GRID1: variants seen among roughly 807,000 people sequenced by gnomAD.
The protein encoded by GRID1 is glutamate receptor ionotropic, delta-1.
In GRID1, 28 loss-of-function variants were observed where a neutral mutation model predicts 98.0. The observed-to-expected ratio is 0.29, with a 90% CI of 0.21 to 0.39. The LOEUF (loss-of-function observed/expected upper bound fraction) is 0.39, where lower values mean the gene tolerates loss of function less well. Ranked by LOEUF, GRID1 falls within the 10% of genes least tolerant of loss-of-function variation. GRID1 has a pLI of 1.00. For synonymous variants in GRID1, 553 were observed against 538.5 expected, an observed-to-expected ratio of 1.03 and a Z score of -0.37; for missense variants, 1,111 against 1,340.5, an observed-to-expected ratio of 0.83 and a Z score of 2.67.
At chr10:85,853,529 C>T (rs73338510) in intron 8 of GRID1, among the ~76,000 whole-genome samples, 2,263 of 151,568 alleles carry the variant, frequency 0.015, 62 homozygotes, top group African/African-American at 0.051. Flanking sequence ...TCATTATTTC[C>T]GGAGAAGACC....
At chr10:85,875,194 C>T (rs187207551) in intron 5 of GRID1, among the ~76,000 whole-genome samples, 186 of 152,046 alleles carry the variant, frequency 1.2e-3, no homozygotes, top group African/African-American at 4.2e-3. Context: ...TTTTTTTATT[C>T]GTTACACACA....
At chr10:85,786,386 T>C (rs1349577076) in intron 8 of GRID1, among the ~76,000 whole-genome samples, 3 of 152,208 alleles carry the variant, frequency 2.0e-5, no homozygotes. Context: ...GGATTCAAGA[T>C]AACCTGTTCC....
Position 86,312,234 on chromosome 10 carries a change from A to G in GRID1, c.235+51707T>C, listed in dbSNP as rs541161080. On this transcript the variant is annotated intron_variant, in intron 2 of 15. Coordinates refer to ENST00000327946, the MANE Select transcript of GRID1 (RefSeq NM_017551.3). ...ATGACATCAGAGTCATTTCACTTTC[A>G]AAACAAATTCCCCCATGCTGGAAAA... Among the ~76,000 whole-genome samples the G allele has an allele frequency of 3.3e-5, 5 of 152,230 alleles. No individual in the cohort carries two copies. In the East Asian group the frequency reaches 9.6e-4, roughly 29 times the overall value.
chr10:86,030,516 G>T (rs922368322), intron 4 of GRID1, among the ~76,000 whole-genome samples: 4 of 152,218 alleles, frequency 2.6e-5, no homozygotes, highest in African/African-American at 9.6e-5. Flanking sequence ...AAATGGTGCT[G>T]CAGATAGAAC....
At chr10:85,754,480 A>G (rs556403248) in intron 8 of GRID1, among the ~76,000 whole-genome samples, 31 of 152,344 alleles carry the variant, frequency 2.0e-4, no homozygotes, top group South Asian at 1.2e-3. Context: ...GAAAAGAGTG[A>G]TCCTCTGAGC....
intron 4 of GRID1, among the ~76,000 whole-genome samples, chr10:85,951,882 G>C (rs12782728): frequency 1.3e-5 from 2 of 152,116 alleles, no homozygotes; most frequent in East Asian, 1.9e-4. Context: ...AGGACACTCT[G>C]CAGCATCACC....
chr10:85,799,416 T>C (rs562784880), intron 8 of GRID1, among the ~76,000 whole-genome samples: 1 of 152,278 alleles, frequency 6.6e-6, no homozygotes, highest in South Asian at 2.1e-4. Context: ...CCTATGTTTA[T>C]CTATGCTTAT....
chr10:85,887,634 G>A (rs1841136151), intron 5 of GRID1, among the ~76,000 whole-genome samples: 1 of 152,160 alleles, frequency 6.6e-6, no homozygotes, highest in Non-Finnish European at 1.5e-5. Flanking sequence ...GAGAAGTGAT[G>A]AGCGTAGGGT....
At chr10:86,063,915 T>G (rs1178091808) in intron 4 of GRID1, among the ~76,000 whole-genome samples, 1 of 152,144 alleles carries the variant, frequency 6.6e-6, no homozygotes, top group Non-Finnish European at 1.5e-5. Flanking sequence ...GATGAAGAGT[T>G]GCAGCAGAGA....
intron 5 of GRID1, among the ~76,000 whole-genome samples, chr10:85,906,322 C>T (rs1449366172): frequency 6.6e-6 from 1 of 152,036 alleles, no homozygotes; most frequent in African/African-American, 2.4e-5. Flanking sequence ...TTTTAATACT[C>T]CTCTCTAAAT....
chr10:85,777,284 C>T (rs1842341074), intron 8 of GRID1, among the ~76,000 whole-genome samples: 1 of 152,218 alleles, frequency 6.6e-6, no homozygotes, highest in South Asian at 2.1e-4. Context: ...GCCCTCCTTT[C>T]TCCCAGCCTG....
intron 8 of GRID1, among the ~76,000 whole-genome samples, chr10:85,741,243 T>A (rs1807119705): frequency 6.6e-6 from 1 of 152,222 alleles, no homozygotes; most frequent in Non-Finnish European, 1.5e-5. Context: ...AAAGGTTTTC[T>A]CACTCAGTGC....
At chr10:86,204,683 C>A (rs1230819957) in intron 3 of GRID1, among the ~76,000 whole-genome samples, 1 of 152,198 alleles carries the variant, frequency 6.6e-6, no homozygotes, top group Non-Finnish European at 1.5e-5. Flanking sequence ...GCGGCTGAGG[C>A]TCCCATCAAG....
chr10:85,727,986 T>C lies in GRID1; in HGVS notation c.1402A>G (p.Ile468Val). 3 of 1,613,894 alleles carry C rather than the reference T, an allele frequency of 1.9e-6. No individual in the cohort carries two copies. In the South Asian group the frequency reaches 3.3e-5, roughly 18 times the overall value. The part of the protein sequence containing the change: ...GQPKRYKGFS[I>V]DVLDALAKAL... ...TTGGCCAGTGCATCCAGGACATCTA[T>C]GGAGAACCCTTTGTAGCGCTTGGGC... Residue 468 changes from isoleucine to valine, a missense_variant, in exon 10 of 16, where the codon ATA (isoleucine) becomes GTA (valine). Physicochemically the swap from Ile to Val is conservative, Grantham distance 29. This residue lies in a region of GRID1 where 762 missense variants were observed against 869.1 expected (regional missense o/e 0.88). Coordinates refer to ENST00000327946, the MANE Select transcript of GRID1 (RefSeq NM_017551.3).
intron 3 of GRID1, among the ~76,000 whole-genome samples, chr10:86,168,610 C>T (rs1238052111): frequency 6.6e-6 from 1 of 152,218 alleles, no homozygotes; most frequent in Admixed American, 6.5e-5. Flanking sequence ...TGAGGAGCTG[C>T]CCTTCTTCAC....
At chr10:85,843,225 T>C (rs145543986) in intron 8 of GRID1, among the ~76,000 whole-genome samples, 2,213 of 151,994 alleles carry the variant, frequency 0.015, 25 homozygotes, top group Non-Finnish European at 0.023. Context: ...GATGAGGCAA[T>C]TGGATACCTA....
chr10:85,854,037 C>A (rs1843085520), intron 8 of GRID1, among the ~76,000 whole-genome samples: 1 of 152,176 alleles, frequency 6.6e-6, no homozygotes, highest in Admixed American at 6.5e-5. Flanking sequence ...CTGGCATTTT[C>A]CAATTTCCAC....
At chr10:86,171,858 C>G (rs1845492771) in intron 3 of GRID1, among the ~76,000 whole-genome samples, 1 of 152,208 alleles carries the variant, frequency 6.6e-6, no homozygotes, top group South Asian at 2.1e-4. Flanking sequence ...CGGAGGAACA[C>G]GCTCTTCCCT....
At chr10:85,798,766 T>C (rs1167914957) in intron 8 of GRID1, among the ~76,000 whole-genome samples, 1 of 152,180 alleles carries the variant, frequency 6.6e-6, no homozygotes, top group Non-Finnish European at 1.5e-5. Flanking sequence ...CCTTGTCAGA[T>C]GCATAGTTTA....
Sources: gnomAD v4.1 joint callset for allele counts (sites outside exome capture counted in the v4.1 genomes callset) on GRCh38, gnomAD v4.1.1 for gene constraint, gnomAD v4.1.1 regional missense constraint, MANE v1.5 for transcripts, NCBI Gene and HGNC (gene_info 2026-07-23, HGNC 2026-07-21) for gene names.